The following CCBE1 variants were observed in gnomAD, a reference collection of about 807,000 sequenced individuals.
CCBE1 encodes collagen and calcium-binding EGF domain-containing protein 1.
A neutral mutation model predicts 50.0 loss-of-function variants in CCBE1; 37 were observed. That is an observed-to-expected ratio of 0.74 (90% CI 0.57 to 0.97). The LOEUF (loss-of-function observed/expected upper bound fraction) is 0.97, where lower values mean the gene tolerates loss of function less well. Among genes scored for constraint, CCBE1 ranks in the 50% least tolerant of loss-of-function variants. The pLI, the probability that CCBE1 is intolerant of heterozygous loss-of-function variation, is 0.00. For missense variants in CCBE1, 538 were observed against 523.8 expected (o/e 1.03, Z -0.26); for synonymous variants, 234 against 203.7 (o/e 1.15, Z -1.27).
chr18:59,531,855 ACT>A (rs1408570091), intron 2 of CCBE1, among the ~76,000 whole-genome samples: 2 of 152,210 alleles, frequency 1.3e-5, no homozygotes, highest in South Asian at 2.1e-4. Context: ...TGGGAAAGGT[ACT>A]CAAGACCGAA....
rs60094330 is a variant in CCBE1 at position 59,525,876 on chromosome 18, T to C, written c.213-45638A>G. 4.3e-3 allele frequency among the ~76,000 whole-genome samples: 652 copies of C among 152,320 alleles called. 3 individuals carry two copies. The highest frequency in any genetic ancestry group is 0.015 in the African/African-American group (616 of 41,568). The stretch of plus-strand genomic sequence containing the variant: ...CTTTTCCCCATTGCTTTTGCCAGTT[T>C]TGTCCAGGAGCAGATGGTTGTAGAT... On this transcript the variant is annotated intron_variant, in intron 2 of 10. Transcript: ENST00000439986.
At chr18:59,448,246 C>G (rs1910774986) in intron 6 of CCBE1, 143 bp from the exon 7 acceptor site, 1 of 1,223,708 alleles carries the variant, frequency 8.2e-7, no homozygotes, top group Non-Finnish European at 1.1e-6. Flanking sequence ...CTCAGAGAAA[C>G]TATAAAGAGC....
intron 2 of CCBE1, among the ~76,000 whole-genome samples, chr18:59,616,631 A>T (rs2053640320): frequency 6.6e-6 from 1 of 152,128 alleles, no homozygotes; most frequent in African/African-American, 2.4e-5. Flanking sequence ...CTAAGACCCC[A>T]GTTGCCTTTA....
At chr18:59,629,568 G>A (rs924782297) in intron 2 of CCBE1, among the ~76,000 whole-genome samples, 1 of 152,184 alleles carries the variant, frequency 6.6e-6, no homozygotes, top group Admixed American at 6.5e-5. Context: ...CACAGAGTGA[G>A]TTCCATGAAT....
At chr18:59,624,871 C>T (rs2053759306) in intron 2 of CCBE1, among the ~76,000 whole-genome samples, 1 of 152,190 alleles carries the variant, frequency 6.6e-6, no homozygotes, top group African/African-American at 2.4e-5. Context: ...AATTCACTAA[C>T]CTTAAAAACA....
At chr18:59,612,330 G>A (rs201756987) in intron 2 of CCBE1, among the ~76,000 whole-genome samples, 106 of 130,572 alleles carry the variant, frequency 8.1e-4, no homozygotes, top group Middle Eastern at 7.8e-3. Flanking sequence ...AGAAAAAAAA[G>A]AAAAAAAAAA....
intron 2 of CCBE1, among the ~76,000 whole-genome samples, chr18:59,667,171 G>A (rs2054369289): frequency 6.6e-6 from 1 of 152,088 alleles, no homozygotes; most frequent in Admixed American, 6.5e-5. Flanking sequence ...CAGGAAGCTG[G>A]GGTGGGAGGA....
chr18:59,652,209 G>A (rs1183191366), intron 2 of CCBE1, among the ~76,000 whole-genome samples: 1 of 151,812 alleles, frequency 6.6e-6, no homozygotes, highest in Admixed American at 6.6e-5. Flanking sequence ...TTTGATGGCT[G>A]AATAGTATTC....
chr18:59,619,036 C>T (rs1044943413), intron 2 of CCBE1, among the ~76,000 whole-genome samples: 5 of 152,056 alleles, frequency 3.3e-5, no homozygotes, highest in African/African-American at 1.2e-4. Context: ...TTAACTTTTT[C>T]TCCTGTAAAA....
intron 2 of CCBE1, among the ~76,000 whole-genome samples, chr18:59,661,193 A>G (rs2054279840): frequency 6.6e-6 from 1 of 151,952 alleles, no homozygotes; most frequent in African/African-American, 2.4e-5. Context: ...CTGGAGACCA[A>G]CAACACAGTA....
At chr18:59,637,201 A>C (rs1427904595) in intron 2 of CCBE1, among the ~76,000 whole-genome samples, 2 of 152,214 alleles carry the variant, frequency 1.3e-5, no homozygotes, top group Admixed American at 1.3e-4. Flanking sequence ...ACTTTATCTT[A>C]TGACAAACAA....
At chr18:59,594,523 G>T (rs1230769545) in intron 2 of CCBE1, among the ~76,000 whole-genome samples, 1 of 152,192 alleles carries the variant, frequency 6.6e-6, no homozygotes, top group South Asian at 2.1e-4. Context: ...TCACTTAATG[G>T]TGAAAGCAGT....
chr18:59,490,237 G>A (rs557571352), intron 2 of CCBE1, among the ~76,000 whole-genome samples: 2 of 151,992 alleles, frequency 1.3e-5, no homozygotes, highest in South Asian at 2.1e-4. Context: ...TGCCTGCCTC[G>A]GCCTCCCAAA....
chr18:59,681,469 A>G (rs2054587230), intron 2 of CCBE1, among the ~76,000 whole-genome samples: 1 of 152,210 alleles, frequency 6.6e-6, no homozygotes, highest in African/African-American at 2.4e-5. Flanking sequence ...CCCAAAGGCA[A>G]CTCAATTTCT....
intron 2 of CCBE1, among the ~76,000 whole-genome samples, chr18:59,604,077 T>G (rs1422531753): frequency 6.6e-6 from 1 of 152,200 alleles, no homozygotes; most frequent in Non-Finnish European, 1.5e-5. Flanking sequence ...GTACTTTATC[T>G]CCTCTTATGC....
chr18:59,660,882 T>C (rs1164460857), intron 2 of CCBE1, among the ~76,000 whole-genome samples: 1 of 152,230 alleles, frequency 6.6e-6, no homozygotes, highest in African/African-American at 2.4e-5. Context: ...AATGTCCCTT[T>C]TTTTGTCCAG....
At chr18:59,685,138 A>G (rs960926553) in intron 2 of CCBE1, among the ~76,000 whole-genome samples, 14 of 151,984 alleles carry the variant, frequency 9.2e-5, no homozygotes, top group African/African-American at 3.1e-4. Context: ...AGCAAAATAT[A>G]TTTTTTTTAA....
intron 2 of CCBE1, among the ~76,000 whole-genome samples, chr18:59,543,965 A>T (rs1337267615): frequency 6.6e-6 from 1 of 152,154 alleles, no homozygotes; most frequent in Non-Finnish European, 1.5e-5. Context: ...CAAAATGTCA[A>T]ATTTCAAACA....
intron 5 of CCBE1, among the ~76,000 whole-genome samples, chr18:59,466,343 C>T (rs561532265): frequency 3.3e-5 from 5 of 152,068 alleles, no homozygotes; most frequent in African/African-American, 9.6e-5. Context: ...CTCCGGTACA[C>T]GTTCTCTTGC....
Sources: allele counts gnomAD v4.1 joint callset (sites outside exome capture counted in the v4.1 genomes callset), GRCh38; gene constraint gnomAD v4.1.1; transcripts MANE v1.5; gene names NCBI Gene and HGNC (gene_info 2026-07-23, HGNC 2026-07-21).